Variants in TP53BP1 observed in about 807,000 individuals in gnomAD.
The protein encoded by TP53BP1 is tumor protein p53 binding protein 1, also known as TP53-binding protein 1.
In TP53BP1, 61 loss-of-function variants were observed where a neutral mutation model predicts 200.8. That is an observed-to-expected ratio of 0.30 (90% confidence interval 0.25 to 0.38). TP53BP1 has a LOEUF of 0.38. Ranked by LOEUF, TP53BP1 falls within the 10% of genes least tolerant of loss-of-function variation. TP53BP1 has a pLI of 1.00. For missense variants in TP53BP1, 2,144 were observed against 2,371.9 expected, an observed-to-expected ratio of 0.90 and a Z score of 2.00; for synonymous variants, 822 against 844.3, an observed-to-expected ratio of 0.97 and a Z score of 0.46.
rs572846781 is a variant in TP53BP1, at chr15:43,487,271, C to T, written c.371+4398G>A. 7.9e-5 allele frequency among the ~76,000 whole-genome samples: 12 copies of T among 152,214 alleles called. No individual in the cohort carries two copies. In the South Asian group the frequency reaches 2.5e-3, roughly 32 times the overall value. ...AAACTGAAACAACAATGAGGTATCA[C>T]TACAGACTTGTAATGGCTAAAATAA... On this transcript the variant is annotated intron_variant, in intron 4 of 27. Coordinates refer to ENST00000382044, the MANE Select transcript of TP53BP1 (RefSeq NM_001141980.3).
At position 43,506,488 on chromosome 15, in the gene TP53BP1, G is replaced by A. The variant is rs192080434; in HGVS notation, c.-9+3882C>T. 1.4e-4 allele frequency among the ~76,000 whole-genome samples: 21 copies of A among 152,312 alleles called. No individual in the cohort carries two copies. In the East Asian group the frequency reaches 4.1e-3, roughly 29 times the overall value. The stretch of plus-strand genomic sequence containing the variant: ...ACTCCAGTGCATAACCAAGGAAACA[G>A]CCTATAATAGTGCCTTCCTCTTGCA... On this transcript the variant is annotated intron_variant, in intron 1 of 27. Coordinates refer to the TP53BP1 transcript ENST00000263801.
intron 4 of TP53BP1, among the ~76,000 whole-genome samples, chr15:43,484,032 C>T (rs954103752): frequency 6.6e-6 from 1 of 152,190 alleles, no homozygotes; most frequent in African/African-American, 2.4e-5. Context: ...CCTCCTTGTC[C>T]AATTACCTCC....
chr15:43,493,236 T>G, upstream of TP53BP1: 2 of 1,455,940 alleles, frequency 1.4e-6, no homozygotes, highest in Admixed American at 2.4e-5. Flanking sequence ...CCGTGGATGA[T>G]AGGTAGCTGC....
chr15:43,483,102 G>A (rs981907025), intron 4 of TP53BP1, among the ~76,000 whole-genome samples: 3 of 151,978 alleles, frequency 2.0e-5, no homozygotes, highest in Non-Finnish European at 4.4e-5. Flanking sequence ...GTGTGATAAC[G>A]GTACTATGAT....
intron 11 of TP53BP1, among the ~76,000 whole-genome samples, chr15:43,469,376 T>G (rs557366278): frequency 1.8e-4 from 28 of 152,204 alleles, no homozygotes; most frequent in Admixed American, 7.2e-4. Context: ...AATATAACAC[T>G]GAGAATTATT....
At chr15:43,510,123 C>T (rs1211146968) in intron 1 of TP53BP1, among the ~76,000 whole-genome samples, 1 of 139,756 alleles carries the variant, frequency 7.2e-6, no homozygotes, top group Non-Finnish European at 1.5e-5. Context: ...AACTGTCAAC[C>T]CCTTCTTTGG....
chr15:43,427,947 A>T, intron 18 of TP53BP1, 69 bp downstream of exon 18: 1 of 1,145,706 alleles, frequency 8.7e-7, no homozygotes. Context: ...ACAAAGTAAG[A>T]CCCTGTCTCC....
At chr15:43,436,865 G>C (rs989325774) in intron 16 of TP53BP1, among the ~76,000 whole-genome samples, 2 of 152,010 alleles carry the variant, frequency 1.3e-5, no homozygotes, top group African/African-American at 4.8e-5. Context: ...AGATTATGGA[G>C]TAAAGAAATT....
At chr15:43,422,770 G>C (rs2045434666) in intron 18 of TP53BP1, among the ~76,000 whole-genome samples, 1 of 152,144 alleles carries the variant, frequency 6.6e-6, no homozygotes, top group Non-Finnish European at 1.5e-5. Context: ...AAGGCAGAAG[G>C]ACTGCTTGAG....
chr15:43,508,476 A>G (rs963261774), intron 1 of TP53BP1, among the ~76,000 whole-genome samples: 1 of 152,146 alleles, frequency 6.6e-6, no homozygotes, highest in African/African-American at 2.4e-5. Context: ...TGTGCAACAC[A>G]CAAAGACCCT....
Position 43,408,888 on chromosome 15 carries a change from A to G in TP53BP1, c.5600+9T>C, listed in dbSNP as rs1208378632. ...CCTATACAATTCTGGATGGGCTTCA[A>G]ATACTTACCAGTCCAGAATTCTTTG... On this transcript the variant is annotated intron_variant, in intron 26 of 27. Coordinates refer to ENST00000382044, the MANE Select transcript of TP53BP1 (RefSeq NM_001141980.3). The G allele has an allele frequency of 1.2e-6, 2 of 1,613,996 alleles. No homozygotes were observed. The highest frequency in any genetic ancestry group is 2.2e-5 in the South Asian group (2 of 91,070).
chr15:43,409,705 G>T lies in TP53BP1; in HGVS notation c.5342C>A (p.Thr1781Lys). ...LEIPPFNKQY[T>K]ESQLRAGAGY... Reference sequence around the variant, plus strand: ...AGCTCCTGCTCGAAGCTGGGATTCTGTATACTGCTTGTTGAAAGGAGGAAT... The same window carrying T: ...AGCTCCTGCTCGAAGCTGGGATTCTTTATACTGCTTGTTGAAAGGAGGAAT... Residue 1781 changes from threonine (T) to lysine (K), a missense_variant, in exon 25 of 28, where the codon ACA becomes AAA. Physicochemically the swap from Thr to Lys is moderately conservative, Grantham distance 78 (BLOSUM62 -1). Around this residue, in one of 4 missense-constraint regions of TP53BP1, gnomAD observed 334 missense variants for 453.4 expected, o/e 0.74. Coordinates refer to ENST00000382044, the MANE Select transcript of TP53BP1 (RefSeq NM_001141980.3). 6.4e-7 allele frequency: 1 copy of T among 1,569,474 alleles called. No homozygotes were observed. The highest frequency in any genetic ancestry group is 8.6e-7 in the Non-Finnish European group (1 of 1,160,250).
Position 43,404,921 on chromosome 15 carries a change from C to A in TP53BP1, c.*2462G>T. 1 of 515,076 alleles carries A rather than the reference C, an allele frequency of 1.9e-6. No homozygotes were observed. Among genetic ancestry groups the A allele is most frequent in the Non-Finnish European group, 3.4e-6 (1 of 292,096 alleles). 31.9% of individuals were successfully genotyped at this position (515,076 alleles called of 1,614,324 possible). ...GCATCTGTGAAAGGAGGCGACCACCCCTTCTAACTCTAAACTTTAAAAAAA... is the reference window on the plus strand; with the variant it reads ...GCATCTGTGAAAGGAGGCGACCACCACTTCTAACTCTAAACTTTAAAAAAA... On this transcript the variant is annotated 3_prime_UTR_variant, in exon 28 of 28. Transcript: ENST00000382044.
chr15:43,411,909 G>A (rs908280221), intron 24 of TP53BP1, among the ~76,000 whole-genome samples: 1 of 151,966 alleles, frequency 6.6e-6, no homozygotes, highest in Non-Finnish European at 1.5e-5. Flanking sequence ...TTCAAGTCCA[G>A]CAATATTGTA....
intron 10 of TP53BP1, among the ~76,000 whole-genome samples, chr15:43,471,976 T>C (rs1366157007): frequency 1.3e-5 from 2 of 152,200 alleles, no homozygotes; most frequent in Non-Finnish European, 2.9e-5. Flanking sequence ...GAGACAAACT[T>C]TGTAGCAGAA....
Position 43,405,373 on chromosome 15 carries a change from C to T in TP53BP1, c.*2010G>A, listed in dbSNP as rs2044835055. 1.4e-6 allele frequency: 1 copy of T among 739,590 alleles called. No individual in the cohort carries two copies. The highest frequency in any genetic ancestry group is 2.3e-6 in the Non-Finnish European group (1 of 439,038). The allele number at this position is 739,590 out of a possible 1,614,324, so 45.8% of individuals were successfully genotyped here. Reference sequence around the variant, plus strand: ...AGCAGTTACTGAACATCCAGGAGTACAACTCCTTCCCATCATTCCCATGTG... The same window carrying T: ...AGCAGTTACTGAACATCCAGGAGTATAACTCCTTCCCATCATTCCCATGTG... On this transcript the variant is annotated 3_prime_UTR_variant, in exon 28 of 28. Transcript: ENST00000382044.
intron 18 of TP53BP1, among the ~76,000 whole-genome samples, chr15:43,423,345 T>C (rs1245947008): frequency 1.3e-5 from 2 of 151,446 alleles, no homozygotes; most frequent in Non-Finnish European, 2.9e-5. Flanking sequence ...GATAGATCCT[T>C]CCCTCAAAGA....
In TP53BP1 at chr15:43,446,378, A is replaced by C. The variant is rs2143005107; in HGVS notation, c.3040+9T>G. On this transcript the variant is annotated intron_variant, in intron 14 of 27. Coordinates refer to ENST00000382044, the MANE Select transcript of TP53BP1 (RefSeq NM_001141980.3). ...GCTACTAATTACCCAAGATTAACAT[A>C]AAACTTACTTTCCAGGTTGAACTGC... The C allele has an allele frequency of 6.2e-7, 1 of 1,612,272 alleles. No homozygotes were observed. The highest frequency in any genetic ancestry group is 1.7e-5 in the Admixed American group (1 of 60,002).
intron 15 of TP53BP1, chr15:43,441,183 T>C (rs1306644101): frequency 5.0e-6 from 1 of 200,966 alleles, no homozygotes; most frequent in East Asian, 1.2e-4. Context: ...GGTCTGTAGC[T>C]ATCTCTTGTT....
Sources: allele counts gnomAD v4.1 joint callset (sites outside exome capture counted in the v4.1 genomes callset), GRCh38; gene constraint gnomAD v4.1.1; regional missense constraint gnomAD v4.1.1; transcripts MANE v1.5; gene names NCBI Gene and HGNC (gene_info 2026-07-23, HGNC 2026-07-21).